The following UXS1 variants were observed in gnomAD, a reference collection of about 807,000 sequenced individuals.
UXS1 encodes UDP-glucuronate decarboxylase 1, also known as UDP-glucuronic acid decarboxylase 1.
A neutral mutation model predicts 62.6 loss-of-function variants in UXS1; 33 were observed. The ratio of observed to expected loss-of-function variants is 0.53; its 90% confidence interval spans 0.40 to 0.70. UXS1 has a LOEUF of 0.70. Ranked by LOEUF, UXS1 falls within the 30% of genes least tolerant of loss-of-function variation. UXS1 has a pLI of 0.00. For missense variants in UXS1, 434 were observed against 556.3 expected, an observed-to-expected ratio of 0.78 and a Z score of 2.21; for synonymous variants, 213 against 206.8, an observed-to-expected ratio of 1.03 and a Z score of -0.26.
Position 106,095,472 on chromosome 2 carries a change from T to C in UXS1, c.1146+1246A>G, listed in dbSNP as rs535407188. ...TCTCATGTCCCTTTGAAGTTCAATA[T>C]TCTAGGATTCTACTCACTCAGCTCT... On this transcript the variant is annotated intron_variant, in intron 14 of 14. Coordinates refer to ENST00000283148, the MANE Select transcript of UXS1 (RefSeq NM_001253875.2). Among the ~76,000 whole-genome samples the C allele has an allele frequency of 1.0e-3, 156 of 152,324 alleles. 1 individual carries two copies. The highest frequency in any genetic ancestry group is 3.7e-3 in the African/African-American group (153 of 41,580).
chr2:106,117,710 T>C (rs1428534968), intron 9 of UXS1, among the ~76,000 whole-genome samples: 1 of 152,158 alleles, frequency 6.6e-6, no homozygotes, highest in Non-Finnish European at 1.5e-5. Flanking sequence ...TCTCTGACGC[T>C]TCTCTCAGAG....
intron 6 of UXS1, among the ~76,000 whole-genome samples, chr2:106,137,937 G>T (rs527605633): frequency 6.6e-6 from 1 of 152,196 alleles, no homozygotes; most frequent in East Asian, 1.9e-4. Context: ...TTATACTCAC[G>T]GGCATTTCTG....
chr2:106,100,752 T>C (rs568700878), intron 12 of UXS1: 9 of 319,332 alleles, frequency 2.8e-5, no homozygotes, highest in East Asian at 1.8e-4. Context: ...GCCTGTTAAA[T>C]AGAGAACGAG....
intron 13 of UXS1, chr2:106,097,347 T>C: frequency 2.5e-6 from 1 of 394,436 alleles, no homozygotes; most frequent in South Asian, 1.8e-5. Context: ...TCCACATCCT[T>C]GCTGGGCCCA....
intron 1 of UXS1, among the ~76,000 whole-genome samples, chr2:106,192,575 C>G (rs974798859): frequency 2.0e-5 from 3 of 152,028 alleles, no homozygotes; most frequent in Non-Finnish European, 4.4e-5. Flanking sequence ...AAAAAAACTT[C>G]CCATGGCTCC....
intron 1 of UXS1, among the ~76,000 whole-genome samples, chr2:106,186,547 C>T (rs1234735471): frequency 6.6e-6 from 1 of 150,654 alleles, no homozygotes; most frequent in African/African-American, 2.4e-5. Context: ...GAGAAACAAT[C>T]AAACAAACAA....
chr2:106,116,779 C>T (rs962201699), intron 9 of UXS1, among the ~76,000 whole-genome samples: 26 of 152,170 alleles, frequency 1.7e-4, no homozygotes, highest in Non-Finnish European at 3.4e-4. Context: ...TAAGAAGTTC[C>T]TTCTGGGAAA....
chr2:106,146,759 G>GC (rs1173310311), intron 5 of UXS1, among the ~76,000 whole-genome samples: 85 of 101,546 alleles, frequency 8.4e-4, no homozygotes, highest in South Asian at 3.2e-3. Flanking sequence ...GGGTGACAGA[G>GC]AAGACTCCAT....
At chr2:106,140,814 A>G (rs1485638610) in intron 6 of UXS1, among the ~76,000 whole-genome samples, 1 of 152,136 alleles carries the variant, frequency 6.6e-6, no homozygotes, top group African/African-American at 2.4e-5. Flanking sequence ...GAGATACTAC[A>G]AGTTCCCGGT....
intron 12 of UXS1, among the ~76,000 whole-genome samples, chr2:106,100,212 T>G (rs1677479544): frequency 6.6e-6 from 1 of 152,112 alleles, no homozygotes; most frequent in Non-Finnish European, 1.5e-5. Flanking sequence ...TGCTGGACAG[T>G]CCACATTGGA....
At chr2:106,117,726 T>A (rs539295429) in intron 9 of UXS1, among the ~76,000 whole-genome samples, 140 of 152,272 alleles carry the variant, frequency 9.2e-4, no homozygotes, top group African/African-American at 2.6e-3. Context: ...CAGAGAAGTA[T>A]ATGCACATCC....
intron 10 of UXS1, among the ~76,000 whole-genome samples, chr2:106,108,142 G>A (rs1678248560): frequency 6.6e-6 from 1 of 152,184 alleles, no homozygotes; most frequent in Non-Finnish European, 1.5e-5. Context: ...CTGGATTTCA[G>A]TTTCTATAGC....
intron 9 of UXS1, among the ~76,000 whole-genome samples, chr2:106,120,801 G>C (rs1486038354): frequency 6.6e-6 from 1 of 152,204 alleles, no homozygotes; most frequent in African/African-American, 2.4e-5. Context: ...GTCTGTTAGG[G>C]ACTCCAGGGT....
At chr2:106,123,241 ATTCTC>A (rs1311694103) in intron 8 of UXS1, 150 bp from the exon 9 acceptor site, 1 of 1,052,340 alleles carries the variant, frequency 9.5e-7, no homozygotes, top group African/African-American at 1.6e-5. Flanking sequence ...TTTCCAGTCC[ATTCTC>A]TTGAGTTCCA....
chr2:106,181,563 C>G (rs1055017631), intron 1 of UXS1, among the ~76,000 whole-genome samples: 1 of 151,864 alleles, frequency 6.6e-6, no homozygotes, highest in East Asian at 1.9e-4. Flanking sequence ...AACTAAAATA[C>G]AAAAAACTAG....
At chr2:106,104,949 G>A (rs1015291107) in intron 10 of UXS1, 112 bp from the exon 11 acceptor site, 3 of 1,306,326 alleles carry the variant, frequency 2.3e-6, no homozygotes, top group African/African-American at 2.9e-5. Context: ...CCAGGGGGCA[G>A]TGATGCTGAC....
intron 5 of UXS1, among the ~76,000 whole-genome samples, chr2:106,156,156 T>G (rs752470310): frequency 2.6e-5 from 4 of 152,018 alleles, no homozygotes; most frequent in Admixed American, 1.3e-4. Flanking sequence ...ATAAGAAACT[T>G]GAATTAAGAA....
intron 7 of UXS1, among the ~76,000 whole-genome samples, chr2:106,128,173 G>C (rs956393538): frequency 6.6e-6 from 1 of 152,164 alleles, no homozygotes; most frequent in African/African-American, 2.4e-5. Flanking sequence ...GACAGAGAGA[G>C]TGTAGGAGGG....
intron 12 of UXS1, among the ~76,000 whole-genome samples, chr2:106,100,166 T>A (rs1677475094): frequency 6.6e-6 from 1 of 152,190 alleles, no homozygotes; most frequent in African/African-American, 2.4e-5. Context: ...GAGGTTCTTG[T>A]GTCCACTGCC....
Sources: allele counts gnomAD v4.1 joint callset (sites outside exome capture counted in the v4.1 genomes callset), GRCh38; gene constraint gnomAD v4.1.1; transcripts MANE v1.5; gene names NCBI Gene and HGNC (gene_info 2026-07-23, HGNC 2026-07-21).